Variants in CHST9 observed in about 807,000 individuals in gnomAD.
CHST9 encodes GalNAc-4-sulfotransferase 2.
Under a neutral mutation model 44.4 loss-of-function variants are expected in CHST9, and 41 were observed. The ratio of observed to expected loss-of-function variants is 0.92; its 90% CI spans 0.72 to 1.20. The LOEUF (loss-of-function observed/expected upper bound fraction) is 1.20, where lower values mean the gene tolerates loss of function less well. CHST9 is among the 50% of genes most tolerant of loss of function. The pLI is 0.00. For synonymous variants in CHST9, 171 were observed against 178.4 expected (o/e 0.96, Z 0.33); for missense variants, 504 against 516.5 (o/e 0.98, Z 0.23).
intron 2 of CHST9, among the ~76,000 whole-genome samples, chr18:27,095,041 T>G (rs2058104068): frequency 4.6e-5 from 7 of 152,174 alleles, no homozygotes; most frequent in Admixed American, 4.6e-4. Flanking sequence ...TAAAAAATAT[T>G]CTTTTGGGGA....
chr18:27,119,398 C>A (rs1426873), intron 2 of CHST9, among the ~76,000 whole-genome samples: 4 of 151,820 alleles, frequency 2.6e-5, no homozygotes, highest in Admixed American at 6.6e-5. Context: ...GATATTGGGA[C>A]CCCAGTTTGT....
chr18:27,012,618 A>C (rs974313688), intron 4 of CHST9, among the ~76,000 whole-genome samples: 2 of 152,204 alleles, frequency 1.3e-5, no homozygotes, highest in Non-Finnish European at 2.9e-5. Flanking sequence ...TACAGTTTAC[A>C]GAGCACTTTG....
intron 2 of CHST9, among the ~76,000 whole-genome samples, chr18:27,074,251 G>A (rs2057874918): frequency 6.6e-6 from 1 of 152,154 alleles, no homozygotes. Context: ...GGCCAGCTTA[G>A]CATGAAGGAT....
chr18:26,986,776 C>T (rs1161837326), intron 4 of CHST9, among the ~76,000 whole-genome samples: 1 of 152,076 alleles, frequency 6.6e-6, no homozygotes, highest in African/African-American at 2.4e-5. Flanking sequence ...CTTTGAGTAA[C>T]AACTCTATAG....
At chr18:27,155,771 C>A (rs572492240) in intron 1 of CHST9, among the ~76,000 whole-genome samples, 2 of 152,176 alleles carry the variant, frequency 1.3e-5, no homozygotes, top group African/African-American at 4.8e-5. Flanking sequence ...TTTGTTAATA[C>A]CTTTTTGTAA....
intron 4 of CHST9, among the ~76,000 whole-genome samples, chr18:27,003,126 G>A (rs190310760): frequency 1.3e-5 from 2 of 152,280 alleles, no homozygotes; most frequent in East Asian, 1.9e-4. Context: ...TGTTGTTTGC[G>A]TGAATGAAAA....
At chr18:27,079,479 T>G (rs371144462) in intron 2 of CHST9, among the ~76,000 whole-genome samples, 3 of 152,306 alleles carry the variant, frequency 2.0e-5, no homozygotes, top group East Asian at 3.9e-4. Context: ...TTTTACTTTA[T>G]CAAATTAGCA....
At chr18:27,009,258 A>G (rs934819692) in intron 4 of CHST9, among the ~76,000 whole-genome samples, 1 of 152,114 alleles carries the variant, frequency 6.6e-6, no homozygotes, top group Non-Finnish European at 1.5e-5. Flanking sequence ...AAAACCTACA[A>G]TGGTTAAGTG....
chr18:27,099,603 G>T lies in CHST9; in HGVS notation c.121+43086C>A, dbSNP rs765279650. Among the ~76,000 whole-genome samples, 131 of 151,980 alleles carry T rather than the reference G, an allele frequency of 8.6e-4. 3 individuals are homozygous for T. The highest frequency in any genetic ancestry group is 2.9e-4 in the Non-Finnish European group (20 of 67,954). On this transcript the variant is annotated intron_variant, in intron 2 of 5. Transcript: ENST00000618847. ...GTACATACAAGTGGCCAAGAAACATGTGAGAAAATGTTCCACATCATCAAT... is the reference window on the plus strand; with the variant it reads ...GTACATACAAGTGGCCAAGAAACATTTGAGAAAATGTTCCACATCATCAAT...
Position 26,992,194 on chromosome 18 carries a change from C to T in CHST9, c.202+31922G>A, listed in dbSNP as rs1598621186. The stretch of plus-strand genomic sequence containing the variant: ...AGATGGGGCACAGGAACAAGAAGCT[C>T]TACTACCAGATGCCTCAGCCCCTCA... On this transcript the variant is annotated intron_variant, in intron 4 of 5. Transcript: ENST00000618847. Among the ~76,000 whole-genome samples the T allele has an allele frequency of 1.6e-5, 2 of 127,308 alleles. 1 individual carries two copies. The highest frequency in any genetic ancestry group is 3.6e-5 in the Non-Finnish European group (2 of 55,746). 83.5% of individuals were successfully genotyped at this position (127,308 alleles called of 152,430 possible).
At chr18:26,971,695 G>A (rs1411490861) in intron 4 of CHST9, among the ~76,000 whole-genome samples, 1 of 152,214 alleles carries the variant, frequency 6.6e-6, no homozygotes, top group African/African-American at 2.4e-5. Context: ...CGCAGCAGCA[G>A]CACGCATCCC....
At chr18:27,082,659 A>T (rs1280062497) in intron 2 of CHST9, among the ~76,000 whole-genome samples, 1 of 152,216 alleles carries the variant, frequency 6.6e-6, no homozygotes, top group Non-Finnish European at 1.5e-5. Flanking sequence ...AAATTTCAAA[A>T]GCTTCTCACA....
chr18:27,156,894 T>C (rs2058701925), intron 1 of CHST9, among the ~76,000 whole-genome samples: 1 of 152,144 alleles, frequency 6.6e-6, no homozygotes, highest in African/African-American at 2.4e-5. Context: ...ATGTTTGGCA[T>C]TGCTCAATAT....
chr18:26,973,413 G>C (rs537491363), intron 4 of CHST9, among the ~76,000 whole-genome samples: 1 of 152,148 alleles, frequency 6.6e-6, no homozygotes, highest in Admixed American at 6.5e-5. Flanking sequence ...GCGAAGGTGC[G>C]GAACAGTGCG....
intron 2 of CHST9, among the ~76,000 whole-genome samples, chr18:27,122,371 C>G (rs1014591332): frequency 6.6e-6 from 1 of 152,124 alleles, no homozygotes; most frequent in Admixed American, 6.5e-5. Context: ...ATATTGCATT[C>G]TATTGTGAGT....
At chr18:27,155,150 A>C (rs2058689461) in intron 1 of CHST9, among the ~76,000 whole-genome samples, 1 of 152,026 alleles carries the variant, frequency 6.6e-6, no homozygotes, top group African/African-American at 2.4e-5. Context: ...ATTGGGGATA[A>C]TAAAAGCCCC....
rs1016473999 is a variant in CHST9 at position 26,914,913 on chromosome 18, G to T, written c.*1346C>A. ...AAGACTTGTGATTTTCTTAACTCGGGGTAAAAGTCGACCAATTAAAGTAGG... is the reference window on the plus strand; with the variant it reads ...AAGACTTGTGATTTTCTTAACTCGGTGTAAAAGTCGACCAATTAAAGTAGG... On this transcript the variant is annotated 3_prime_UTR_variant, in exon 6 of 6. Coordinates refer to ENST00000618847, the MANE Select transcript of CHST9 (RefSeq NM_031422.6). 1.3e-5 allele frequency: 5 copies of T among 397,684 alleles called. No individual in the cohort carries two copies. The highest frequency in any genetic ancestry group is 8.2e-5 in the African/African-American group (4 of 48,664). The allele number at this position is 397,684 out of a possible 1,614,324, so 24.6% of individuals were successfully genotyped here. A position where few individuals can be genotyped will look rare whatever the true frequency, so the allele number is the denominator to read the frequency against.
At chr18:27,130,022 G>GA (rs1442427645) in intron 2 of CHST9, among the ~76,000 whole-genome samples, 3 of 152,088 alleles carry the variant, frequency 2.0e-5, no homozygotes, top group Admixed American at 1.3e-4. Context: ...GAGGGGAAGG[G>GA]AAAAAATCAG....
chr18:27,004,355 T>A (rs1203552791), intron 4 of CHST9, among the ~76,000 whole-genome samples: 5 of 145,174 alleles, frequency 3.4e-5, no homozygotes, highest in African/African-American at 5.1e-5. Context: ...TTTTTTTTTT[T>A]ATTATTATAT....
Sources: gnomAD v4.1 joint callset for allele counts (sites outside exome capture counted in the v4.1 genomes callset) on GRCh38, gnomAD v4.1.1 for gene constraint, MANE v1.5 for transcripts, NCBI Gene and HGNC (gene_info 2026-07-23, HGNC 2026-07-21) for gene names.